Variants in LIPC observed in about 807,000 individuals in gnomAD.
LIPC encodes lipase C, hepatic type.
A neutral mutation model predicts 50.7 loss-of-function variants in LIPC; 44 were observed. The observed-to-expected ratio is 0.87, with a 90% CI of 0.68 to 1.11. The LOEUF is 1.11. Ranked by LOEUF, LIPC falls within the 50% of genes most tolerant of loss-of-function variation. LIPC has a pLI of 0.00. For missense variants in LIPC, 697 were observed against 648.2 expected (o/e 1.08, Z -0.82); for synonymous variants, 271 against 256.4 (o/e 1.06, Z -0.54).
chr15:58,491,235 C>G (rs1311946163), intron 1 of LIPC, among the ~76,000 whole-genome samples: 2 of 152,114 alleles, frequency 1.3e-5, no homozygotes, highest in African/African-American at 2.4e-5. Flanking sequence ...CAGCACCTGC[C>G]AAACACAATA....
At chr15:58,550,896 G>A (rs941265713) in intron 6 of LIPC, among the ~76,000 whole-genome samples, 2 of 136,416 alleles carry the variant, frequency 1.5e-5, no homozygotes, top group Non-Finnish European at 3.0e-5. Flanking sequence ...GAGTGCAGTG[G>A]CGTGATCTTG....
chr15:58,538,006 G>A (rs1306050775), intron 1 of LIPC, among the ~76,000 whole-genome samples: 1 of 152,072 alleles, frequency 6.6e-6, no homozygotes, highest in Non-Finnish European at 1.5e-5. Flanking sequence ...GTGTGATTTG[G>A]GGTGAGGTGC....
At chr15:58,474,720 G>A (rs1244921425) in intron 1 of LIPC, among the ~76,000 whole-genome samples, 4 of 152,106 alleles carry the variant, frequency 2.6e-5, no homozygotes, top group Admixed American at 6.5e-5. Flanking sequence ...CTTCGAGGTC[G>A]TTCCCTGGCC....
At chr15:58,458,172 GAA>G (rs34752323) in intron 1 of LIPC, among the ~76,000 whole-genome samples, 173 of 149,938 alleles carry the variant, frequency 1.2e-3, no homozygotes, top group Middle Eastern at 7.1e-3. Flanking sequence ...AATTGCTGGA[GAA>G]AAAAAAAAAA....
At chr15:58,461,119 G>T (rs1162632987) in intron 1 of LIPC, among the ~76,000 whole-genome samples, 1 of 152,162 alleles carries the variant, frequency 6.6e-6, no homozygotes, top group Non-Finnish European at 1.5e-5. Context: ...CTGGGAGGGA[G>T]ACGTCATAAC....
intron 1 of LIPC, among the ~76,000 whole-genome samples, chr15:58,487,223 G>A (rs573704368): frequency 7.9e-5 from 12 of 152,220 alleles, no homozygotes; most frequent in Admixed American, 2.6e-4. Context: ...TCCCAGCTGC[G>A]CCACTTCATA....
intron 1 of LIPC, among the ~76,000 whole-genome samples, chr15:58,474,922 C>G (rs1364023034): frequency 1.3e-5 from 2 of 152,224 alleles, no homozygotes; most frequent in Non-Finnish European, 2.9e-5. Context: ...CTCGTGGATT[C>G]TGGGCCTCTG....
chr15:58,512,288 G>A (rs1892353014), intron 1 of LIPC, among the ~76,000 whole-genome samples: 1 of 152,028 alleles, frequency 6.6e-6, no homozygotes, highest in Admixed American at 6.6e-5. Context: ...TAGTAGAGAT[G>A]GGGTTTTACC....
chr15:58,457,047 C>T (rs781664559), intron 1 of LIPC, among the ~76,000 whole-genome samples: 6 of 152,214 alleles, frequency 3.9e-5, no homozygotes, highest in Non-Finnish European at 7.3e-5. Context: ...CAGGTATCAT[C>T]AGACAAGGCC....
intron 6 of LIPC, among the ~76,000 whole-genome samples, chr15:58,556,094 G>A (rs1893939456): frequency 6.6e-6 from 1 of 152,228 alleles, no homozygotes; most frequent in Non-Finnish European, 1.5e-5. Context: ...TCATTATTTA[G>A]CCTGTTATGA....
At chr15:58,534,171 G>C (rs544430182) in intron 1 of LIPC, among the ~76,000 whole-genome samples, 7 of 152,332 alleles carry the variant, frequency 4.6e-5, no homozygotes, top group Non-Finnish European at 8.8e-5. Flanking sequence ...AATACATTTA[G>C]TTTGGCCTTG....
chr15:58,514,032 A>G (rs1256491398), intron 1 of LIPC, among the ~76,000 whole-genome samples: 1 of 152,202 alleles, frequency 6.6e-6, no homozygotes, highest in Non-Finnish European at 1.5e-5. Context: ...AAGCAATCAG[A>G]TGTTGTTACA....
chr15:58,464,071 A>G (rs528880496), intron 1 of LIPC, among the ~76,000 whole-genome samples: 2 of 151,844 alleles, frequency 1.3e-5, no homozygotes, highest in South Asian at 4.2e-4. Context: ...CAAAGCTTTC[A>G]TTTTTTTTGA....
intron 1 of LIPC, among the ~76,000 whole-genome samples, chr15:58,507,413 A>T (rs1406858801): frequency 6.6e-6 from 1 of 152,222 alleles, no homozygotes; most frequent in Non-Finnish European, 1.5e-5. Context: ...TTAAACATGC[A>T]AATAAGAAAA....
intron 1 of LIPC, among the ~76,000 whole-genome samples, chr15:58,465,396 GT>G (rs1268443782): frequency 6.6e-6 from 1 of 152,144 alleles, no homozygotes; most frequent in African/African-American, 2.4e-5. Flanking sequence ...TAGACTGAAG[GT>G]TTTTCAAATT....
At chr15:58,503,329 A>C (rs1392001755) in intron 1 of LIPC, among the ~76,000 whole-genome samples, 1 of 152,166 alleles carries the variant, frequency 6.6e-6, no homozygotes, top group Non-Finnish European at 1.5e-5. Flanking sequence ...CCTGTTGTGC[A>C]TTCAGAGGCT....
chr15:58,559,458 A>G (rs530312019), intron 6 of LIPC, among the ~76,000 whole-genome samples: 2 of 152,336 alleles, frequency 1.3e-5, no homozygotes, highest in South Asian at 4.1e-4. Context: ...CCTTTTCCCA[A>G]ACCAGACACT....
chr15:58,437,321 C>G (rs573598209), intron 1 of LIPC, among the ~76,000 whole-genome samples: 1 of 151,632 alleles, frequency 6.6e-6, no homozygotes, highest in South Asian at 2.1e-4. Flanking sequence ...TGAAAAAGCT[C>G]AGTAACAACT....
At chr15:58,533,573 A>T (rs1400974842) in intron 1 of LIPC, among the ~76,000 whole-genome samples, 1 of 152,236 alleles carries the variant, frequency 6.6e-6, no homozygotes, top group Non-Finnish European at 1.5e-5. Context: ...ATACATTTTC[A>T]ACAATAGTGG....
Sources: gnomAD v4.1 joint callset for allele counts (sites outside exome capture counted in the v4.1 genomes callset) on GRCh38, gnomAD v4.1.1 for gene constraint, MANE v1.5 for transcripts, NCBI Gene and HGNC (gene_info 2026-07-23, HGNC 2026-07-21) for gene names.